The following OS9 variants were observed in gnomAD, a reference collection of about 807,000 sequenced individuals.
The protein encoded by OS9 is protein OS-9.
Under a neutral mutation model 84.7 loss-of-function variants are expected in OS9, and 58 were observed. The ratio of observed to expected loss-of-function variants is 0.68; its 90% CI spans 0.55 to 0.85. The LOEUF is 0.85. Among genes scored for constraint, OS9 ranks in the 40% least tolerant of loss-of-function variants. OS9 has a pLI of 0.00. For missense variants in OS9, 760 were observed against 850.9 expected (o/e 0.89, Z 1.33); for synonymous variants, 278 against 320.8 (o/e 0.87, Z 1.43).
intron 2 of OS9, chr12:57,695,172 C>A (rs1237800980): frequency 1.9e-6 from 1 of 535,196 alleles, no homozygotes; most frequent in Non-Finnish European, 3.4e-6. Context: ...GATTGAGGGT[C>A]TGCGTGGGGT....
intron 5 of OS9, among the ~76,000 whole-genome samples, chr12:57,700,460 GC>G (rs1271342553): frequency 1.3e-5 from 2 of 151,984 alleles, no homozygotes; most frequent in Non-Finnish European, 2.9e-5. Flanking sequence ...GAAAGTTGAG[GC>G]CATTCCTGTC....
Position 57,715,814 on chromosome 12 carries a change from G to A in OS9, c.634G>A (p.Glu212Lys), listed in dbSNP as rs774222245. Residue 212 changes from glutamate to lysine, a missense_variant, in exon 6 of 15, where the codon GAG becomes AAG. Coordinates refer to ENST00000315970, the MANE Select transcript of OS9 (RefSeq NM_006812.4). ...ISGDYIDRVD[E>K]PLSCSYVLTI... ...TGGGGACTACATCGATCGCGTGGAC[G>A]AGCCCTTGTCCTGCTCTTATGTGCT... 8.7e-6 allele frequency: 14 copies of A among 1,613,814 alleles called. No homozygotes were observed. Among genetic ancestry groups the A allele is most frequent in the South Asian group, 2.2e-5 (2 of 91,016 alleles).
At chr12:57,714,083 G>T (rs993475594) in intron 5 of OS9, among the ~76,000 whole-genome samples, 1 of 151,688 alleles carries the variant, frequency 6.6e-6, no homozygotes, top group Non-Finnish European at 1.5e-5. Flanking sequence ...CTCCAGCCTG[G>T]GTGACACAGT....
intron 7 of OS9, 22 bp downstream of exon 7, chr12:57,716,215 TC>T (rs1298308251): frequency 1.4e-6 from 2 of 1,397,970 alleles, no homozygotes; most frequent in East Asian, 2.8e-5. Context: ...TTTCACCTGT[TC>T]CGTGAAACTC....
chr12:57,709,297 A>G (rs1188604576), intron 5 of OS9, among the ~76,000 whole-genome samples: 6 of 152,128 alleles, frequency 3.9e-5, no homozygotes, highest in African/African-American at 1.2e-4. Flanking sequence ...TATACACTTA[A>G]AGCTCTACAT....
intron 5 of OS9, among the ~76,000 whole-genome samples, chr12:57,698,655 G>A (rs1953935264): frequency 6.6e-6 from 1 of 152,208 alleles, no homozygotes; most frequent in African/African-American, 2.4e-5. Context: ...AGGATGGTGG[G>A]GGGAATGAGA....
intron 1 of OS9, 39 bp from the exon 2 acceptor site, chr12:57,694,711 C>A: frequency 6.2e-7 from 1 of 1,606,228 alleles, no homozygotes; most frequent in Middle Eastern, 2.0e-4. Context: ...CCCAGCCTTT[C>A]TTTGCTTCCT....
chr12:57,718,792 C>T (rs1008090478), intron 11 of OS9, among the ~76,000 whole-genome samples: 1 of 152,146 alleles, frequency 6.6e-6, no homozygotes, highest in Non-Finnish European at 1.5e-5. Flanking sequence ...GTAATCCCAG[C>T]TCTTTGGAAG....
chr12:57,701,025 A>G (rs1362801139), intron 5 of OS9, among the ~76,000 whole-genome samples: 7 of 152,208 alleles, frequency 4.6e-5, no homozygotes, highest in African/African-American at 1.7e-4. Context: ...AAAAAAAGGA[A>G]TAAAATGCTT....
chr12:57,713,291 C>G (rs1020038228), intron 5 of OS9, among the ~76,000 whole-genome samples: 4 of 152,186 alleles, frequency 2.6e-5, no homozygotes, highest in African/African-American at 9.7e-5. Flanking sequence ...TTCTTACGGA[C>G]TGCCTCTCCC....
chr12:57,721,033 C>T lies in OS9; in HGVS notation c.*124C>T. On this transcript the variant is annotated 3_prime_UTR_variant, in exon 15 of 15. Coordinates refer to ENST00000315970, the MANE Select transcript of OS9 (RefSeq NM_006812.4). ...AGCAGAGTGGAGCTGAGCTGTGGAC[C>T]TCTCGGGCAACTCTGTGGGTGTGGG... 2 of 1,147,888 alleles carry T rather than the reference C, an allele frequency of 1.7e-6. No homozygotes were observed. The highest frequency in any genetic ancestry group is 2.5e-6 in the Non-Finnish European group (2 of 798,076). The allele number at this position is 1,147,888 out of a possible 1,614,324, so 71.1% of individuals were successfully genotyped here.
intron 5 of OS9, among the ~76,000 whole-genome samples, chr12:57,697,862 A>AACACAC (rs71084786): frequency 0.092 from 10,688 of 116,412 alleles, 856 homozygotes; most frequent in Admixed American, 0.21. Flanking sequence ...AACATAAGCA[A>AACACAC]ACACACACAC....
At chr12:57,711,209 A>C (rs1954320665) in intron 5 of OS9, among the ~76,000 whole-genome samples, 1 of 151,978 alleles carries the variant, frequency 6.6e-6, no homozygotes, top group Non-Finnish European at 1.5e-5. Flanking sequence ...AACAATTATG[A>C]ATGGAGATTC....
At chr12:57,703,165 C>T (rs1174730424) in intron 5 of OS9, among the ~76,000 whole-genome samples, 3 of 152,174 alleles carry the variant, frequency 2.0e-5, no homozygotes, top group African/African-American at 7.2e-5. Context: ...AAGCGATTCT[C>T]CTGCATCAGC....
chr12:57,703,666 GA>G (rs1954085702), intron 5 of OS9, among the ~76,000 whole-genome samples: 1 of 152,038 alleles, frequency 6.6e-6, no homozygotes, highest in African/African-American at 2.4e-5. Flanking sequence ...TTTGTATTAA[GA>G]TTTAAGTCAG....
In OS9 at chr12:57,719,161, C is replaced by A; in HGVS notation, c.1579C>A (p.Pro527Thr). The A allele has an allele frequency of 6.2e-7, 1 of 1,614,042 alleles. No individual in the cohort carries two copies. Among genetic ancestry groups the A allele is most frequent in the Non-Finnish European group, 8.5e-7 (1 of 1,179,954 alleles). Residue 527 changes from proline to threonine, a missense_variant, in exon 12 of 15, where the codon CCC (proline) becomes ACC (threonine). Pro to Thr is a conservative substitution (Grantham distance 38). Coordinates refer to ENST00000315970, the MANE Select transcript of OS9 (RefSeq NM_006812.4). ...KKKRVVPKKP[P>T]PSPQPTEEDP... is the part of the protein sequence containing the mutation. ...AAAGAGGGTTGTCCCCAAAAAGCCT[C>A]CCCCATCACCCCAACCTACAGGTGA...
At chr12:57,713,123 C>T (rs1479681444) in intron 5 of OS9, among the ~76,000 whole-genome samples, 1 of 152,158 alleles carries the variant, frequency 6.6e-6, no homozygotes, top group Non-Finnish European at 1.5e-5. Context: ...AACTAGCTGT[C>T]CCAAGGTTTA....
chr12:57,715,711 G>T, intron 5 of OS9, 49 bp from the exon 6 acceptor site: 1 of 1,390,590 alleles, frequency 7.2e-7, no homozygotes. Context: ...AATAACTAAA[G>T]CAAATTATTG....
chr12:57,694,191 G>C lies in OS9; in HGVS notation c.30G>C (p.Leu10Phe). The part of the protein sequence containing the change: MAAETLLSS[L>F]LGLLLLGLLL... ...CGGCGGAAACGCTGCTGTCCAGTTT[G>C]TTAGGACTGCTGCTTCTGGGACTCC... Residue 10 changes from leucine to phenylalanine, a missense_variant, in exon 1 of 15, where the codon TTG (leucine) becomes TTC (phenylalanine). Leu to Phe is a conservative substitution (Grantham distance 22). Coordinates refer to ENST00000315970, the MANE Select transcript of OS9 (RefSeq NM_006812.4). 6.2e-7 allele frequency: 1 copy of C among 1,614,216 alleles called. No individual in the cohort carries two copies. The highest frequency in any genetic ancestry group is 8.5e-7 in the Non-Finnish European group (1 of 1,180,028).
Sources: allele counts gnomAD v4.1 joint callset (sites outside exome capture counted in the v4.1 genomes callset), GRCh38; gene constraint gnomAD v4.1.1; transcripts MANE v1.5; gene names NCBI Gene and HGNC (gene_info 2026-07-23, HGNC 2026-07-21).